MAPK10: variants seen among roughly 807,000 people sequenced by gnomAD.
MAPK10 encodes JNK3 alpha protein kinase.
A neutral mutation model predicts 59.3 loss-of-function variants in MAPK10; 25 were observed. That is an observed-to-expected ratio of 0.42 (90% CI 0.31 to 0.59). MAPK10 has a LOEUF of 0.59. Among genes scored for constraint, MAPK10 ranks in the 20% least tolerant of loss-of-function variants. The pLI is 0.15. For synonymous variants in MAPK10, 190 were observed against 200.5 expected (o/e 0.95, Z 0.44); for missense variants, 351 against 568.9 (o/e 0.62, Z 3.90).
chr4:86,373,219 A>C (rs949254130), intron 1 of MAPK10, among the ~76,000 whole-genome samples: 3 of 152,230 alleles, frequency 2.0e-5, no homozygotes, highest in Non-Finnish European at 2.9e-5. Context: ...CAGAAAACTG[A>C]AACTGGACCC....
chr4:86,277,390 C>T (rs2094616994), intron 2 of MAPK10, among the ~76,000 whole-genome samples: 2 of 152,128 alleles, frequency 1.3e-5, no homozygotes, highest in South Asian at 4.1e-4. Flanking sequence ...GGGAAAGAAA[C>T]TGAGTTCTTT....
chr4:86,554,261 T>C (rs1314583895), intron 1 of MAPK10, among the ~76,000 whole-genome samples: 2 of 152,188 alleles, frequency 1.3e-5, no homozygotes, highest in Non-Finnish European at 2.9e-5. Context: ...CATTTTTAGA[T>C]ATATTATTTC....
intron 9 of MAPK10, among the ~76,000 whole-genome samples, chr4:86,092,945 T>C (rs2149054015): frequency 6.6e-6 from 1 of 152,188 alleles, no homozygotes; most frequent in South Asian, 2.1e-4. Flanking sequence ...GCTGAGTCAC[T>C]TTCCTTAGAA....
intron 1 of MAPK10, among the ~76,000 whole-genome samples, chr4:86,474,615 T>A (rs1337271089): frequency 5.3e-5 from 8 of 152,220 alleles, no homozygotes. Flanking sequence ...TTCTTCATCA[T>A]CATACTTAAC....
intron 1 of MAPK10, among the ~76,000 whole-genome samples, chr4:86,520,190 G>A (rs552874126): frequency 2.0e-5 from 3 of 152,228 alleles, no homozygotes; most frequent in African/African-American, 7.2e-5. Flanking sequence ...AGTTTTCCTC[G>A]ATTATTCCCT....
chr4:86,030,067 C>T (rs1050036330), intron 12 of MAPK10, among the ~76,000 whole-genome samples: 4 of 152,130 alleles, frequency 2.6e-5, no homozygotes, highest in African/African-American at 9.7e-5. Context: ...ACTTCTTTCT[C>T]CAATTTCTCA....
rs116370260 is a variant in MAPK10, at chr4:86,470,072, C to G, written c.-262-115428G>C. Among the ~76,000 whole-genome samples the G allele has an allele frequency of 3.5e-3, 532 of 152,272 alleles. 3 individuals are homozygous for G. Among genetic ancestry groups the G allele is most frequent in the African/African-American group, 0.012 (503 of 41,562 alleles). On this transcript the variant is annotated intron_variant, in intron 1 of 4. Transcript: ENST00000502302. ...ACCAAAAGTAAACACTGCTTTGCAG[C>G]TTTGTTTGTTAGCTACTTTCTTATT...
chr4:86,535,587 G>C (rs1758180260), intron 1 of MAPK10, among the ~76,000 whole-genome samples: 1 of 152,098 alleles, frequency 6.6e-6, no homozygotes, highest in Admixed American at 6.6e-5. Flanking sequence ...CAAGTGCTGG[G>C]ATTACAGGCA....
intron 2 of MAPK10, among the ~76,000 whole-genome samples, chr4:86,264,314 T>C (rs1392826185): frequency 6.6e-6 from 1 of 152,208 alleles, no homozygotes; most frequent in Non-Finnish European, 1.5e-5. Context: ...AAATTAAGAA[T>C]ATGGTCTTTC....
intron 8 of MAPK10, chr4:86,100,247 A>T (rs1195281455): frequency 4.6e-5 from 7 of 152,204 alleles, no homozygotes; most frequent in Non-Finnish European, 1.0e-4. Context: ...TATGTTTTCA[A>T]TATGGTGCAT....
intron 1 of MAPK10, among the ~76,000 whole-genome samples, chr4:86,448,826 T>C (rs1002639645): frequency 1.3e-4 from 20 of 152,174 alleles, no homozygotes; most frequent in African/African-American, 4.6e-4. Flanking sequence ...CTCACCATAA[T>C]GTAATATCAG....
rs544064193 is a variant in MAPK10, at chr4:86,011,618, A to G, written c.*5610T>C. The G allele has an allele frequency of 2.4e-4, 37 of 152,208 alleles. No individual in the cohort carries two copies. The highest frequency in any genetic ancestry group is 8.7e-4 in the African/African-American group (36 of 41,534). 9.4% of individuals were successfully genotyped at this position (152,208 alleles called of 1,614,324 possible). ...AAGAGCAATCATCTTGTGGAATGCA[A>G]TTTCCCTTCTTATTATTGTGGGTAT... On this transcript the variant is annotated 3_prime_UTR_variant, in exon 14 of 14. Coordinates refer to ENST00000641462, the MANE Select transcript of MAPK10 (RefSeq NM_138982.4).
At chr4:86,513,019 C>T (rs1446292986) in intron 1 of MAPK10, among the ~76,000 whole-genome samples, 2 of 152,118 alleles carry the variant, frequency 1.3e-5, no homozygotes, top group African/African-American at 2.4e-5. Context: ...CAATCAGAAC[C>T]TTCTGCTGGT....
chr4:86,574,854 CT>C (rs757774947), intron 1 of MAPK10, among the ~76,000 whole-genome samples: 1 of 152,108 alleles, frequency 6.6e-6, no homozygotes, highest in Non-Finnish European at 1.5e-5. Flanking sequence ...CTTATTTCTT[CT>C]TCTTGCCTCA....
chr4:86,232,122 A>G (rs1160303346), intron 2 of MAPK10, among the ~76,000 whole-genome samples: 1 of 152,218 alleles, frequency 6.6e-6, no homozygotes, highest in Non-Finnish European at 1.5e-5. Context: ...TGAAAACAGC[A>G]AGAGACAATA....
chr4:86,265,499 T>A (rs1431431631), intron 2 of MAPK10, among the ~76,000 whole-genome samples: 2 of 147,272 alleles, frequency 1.4e-5, no homozygotes, highest in African/African-American at 5.1e-5. Context: ...ACAGAGCAAG[T>A]CTCCATCTCA....
intron 1 of MAPK10, among the ~76,000 whole-genome samples, chr4:86,549,034 A>C (rs1578083020): frequency 6.6e-6 from 1 of 152,248 alleles, no homozygotes; most frequent in East Asian, 1.9e-4. Context: ...GGAATACTAA[A>C]ATACCAATAT....
At chr4:86,317,565 T>C (rs1035385661) in intron 2 of MAPK10, among the ~76,000 whole-genome samples, 1 of 152,174 alleles carries the variant, frequency 6.6e-6, no homozygotes, top group Non-Finnish European at 1.5e-5. Flanking sequence ...TCCTTTAGAG[T>C]TCAAACTCTG....
At chr4:86,358,100 A>G (rs1175184373) in intron 1 of MAPK10, 9 of 985,422 alleles carry the variant, frequency 9.1e-6, no homozygotes, top group Non-Finnish European at 1.1e-5. Context: ...CCAAACCGCT[A>G]CATCCAAAGC....
Sources: allele counts gnomAD v4.1 joint callset (sites outside exome capture counted in the v4.1 genomes callset), GRCh38; gene constraint gnomAD v4.1.1; transcripts MANE v1.5; gene names NCBI Gene and HGNC (gene_info 2026-07-23, HGNC 2026-07-21).